Variants in RCAN1 observed in about 807,000 individuals in gnomAD.
RCAN1 encodes the protein regulator of calcineurin 1, also known as calcipressin-1.
A neutral mutation model predicts 22.9 loss-of-function variants in RCAN1; 11 were observed. That is an observed-to-expected ratio of 0.48 (90% CI 0.30 to 0.79). The LOEUF is 0.79. Among genes scored for constraint, RCAN1 ranks in the 30% least tolerant of loss-of-function variants. The probability of loss-of-function intolerance (pLI) is 0.06; values close to 1 mark genes in which losing one functional copy is unlikely to be tolerated. For synonymous variants in RCAN1, 136 were observed against 142.3 expected (o/e 0.96, Z 0.32); for missense variants, 291 against 337.8 (o/e 0.86, Z 1.09).
chr21:34,571,296 A>AAAAT (rs1466701533), intron 1 of RCAN1, among the ~76,000 whole-genome samples: 6 of 152,234 alleles, frequency 3.9e-5, no homozygotes, highest in African/African-American at 1.2e-4. Flanking sequence ...TCCATCTCCA[A>AAAAT]AAATAAATAA....
intron 3 of RCAN1, among the ~76,000 whole-genome samples, chr21:34,519,976 A>G (rs1984380858): frequency 6.6e-6 from 1 of 152,226 alleles, no homozygotes; most frequent in South Asian, 2.1e-4. Context: ...TGGATTGCTG[A>G]AAATGCTGGT....
chr21:34,604,217 GC>G (rs1988452897), intron 1 of RCAN1, among the ~76,000 whole-genome samples: 1 of 152,038 alleles, frequency 6.6e-6, no homozygotes, highest in Admixed American at 6.6e-5. Context: ...TGCAACCTCC[GC>G]CTCCCGGGTT....
chr21:34,556,431 AT>A (rs1258439833), intron 1 of RCAN1, among the ~76,000 whole-genome samples: 42 of 61,046 alleles, frequency 6.9e-4, no homozygotes, highest in Non-Finnish European at 1.0e-4. Context: ...GTCTCAAAAA[AT>A]AATAATAATA....
intron 3 of RCAN1, among the ~76,000 whole-genome samples, chr21:34,519,526 G>A (rs1984332652): frequency 6.6e-6 from 1 of 150,646 alleles, no homozygotes; most frequent in South Asian, 2.1e-4. Flanking sequence ...AGCCTCCCAA[G>A]TAGCTGGGAC....
intron 1 of RCAN1, among the ~76,000 whole-genome samples, chr21:34,580,794 C>T (rs575184577): frequency 3.9e-5 from 6 of 152,312 alleles, no homozygotes; most frequent in East Asian, 1.9e-4. Flanking sequence ...GGTGCTTGCA[C>T]GAAGAAGGGA....
intron 1 of RCAN1, among the ~76,000 whole-genome samples, chr21:34,541,025 A>G (rs1985891199): frequency 6.6e-6 from 1 of 152,140 alleles, no homozygotes; most frequent in African/African-American, 2.4e-5. Context: ...ATCAAGAAAT[A>G]CTAAGCCATG....
At chr21:34,565,517 C>T (rs533211324) in intron 1 of RCAN1, among the ~76,000 whole-genome samples, 37 of 152,230 alleles carry the variant, frequency 2.4e-4, no homozygotes, top group African/African-American at 3.9e-4. Context: ...AAGGTGAGGG[C>T]GCTGCAGCTG....
intron 1 of RCAN1, among the ~76,000 whole-genome samples, chr21:34,576,893 G>C (rs1472691237): frequency 6.6e-6 from 1 of 152,194 alleles, no homozygotes; most frequent in Non-Finnish European, 1.5e-5. Context: ...AACATGTATT[G>C]ATCACATATA....
chr21:34,534,758 C>T (rs9976800), intron 1 of RCAN1, among the ~76,000 whole-genome samples: 33,074 of 152,186 alleles, frequency 0.22, 3,727 homozygotes, highest in South Asian at 0.33. Flanking sequence ...TCTCACAGGC[C>T]TCAGGGGAAG....
chr21:34,541,488 C>A (rs1985909819), intron 1 of RCAN1, among the ~76,000 whole-genome samples: 1 of 152,104 alleles, frequency 6.6e-6, no homozygotes, highest in Admixed American at 6.5e-5. Flanking sequence ...TAAGCAGGTG[C>A]TTTTATTAAA....
chr21:34,564,793 A>G (rs779968955), intron 1 of RCAN1, among the ~76,000 whole-genome samples: 3 of 152,140 alleles, frequency 2.0e-5, no homozygotes, highest in Non-Finnish European at 4.4e-5. Context: ...AGTGCTACCC[A>G]ATATGTGATC....
chr21:34,580,116 A>G (rs1234913660), intron 1 of RCAN1, among the ~76,000 whole-genome samples: 2 of 152,218 alleles, frequency 1.3e-5, no homozygotes, highest in Non-Finnish European at 2.9e-5. Flanking sequence ...AATAAAAAAG[A>G]GCCCAACCAA....
chr21:34,549,407 A>C (rs962689679), intron 1 of RCAN1, among the ~76,000 whole-genome samples: 1 of 152,204 alleles, frequency 6.6e-6, no homozygotes, highest in Non-Finnish European at 1.5e-5. Context: ...AAGGTGGTTC[A>C]GGTGATGTTC....
intron 1 of RCAN1, among the ~76,000 whole-genome samples, chr21:34,610,864 T>C (rs1601228255): frequency 6.6e-6 from 1 of 152,370 alleles, no homozygotes; most frequent in East Asian, 1.9e-4. Flanking sequence ...AAGAAAGTCA[T>C]GATAGCACTA....
intron 2 of RCAN1, chr21:34,522,218 A>G (rs1021395893): frequency 1.3e-5 from 2 of 150,624 alleles, no homozygotes; most frequent in Non-Finnish European, 2.9e-5. Flanking sequence ...TTCCCAGGAG[A>G]CTTTAAGAAA....
chr21:34,570,836 T>A (rs1247296074), intron 1 of RCAN1, among the ~76,000 whole-genome samples: 1 of 152,224 alleles, frequency 6.6e-6, no homozygotes, highest in Admixed American at 6.5e-5. Flanking sequence ...ATCCTTTTTT[T>A]ATAGAAATTT....
At chr21:34,598,466 C>T (rs558445998) in intron 1 of RCAN1, among the ~76,000 whole-genome samples, 1 of 152,292 alleles carries the variant, frequency 6.6e-6, no homozygotes, top group East Asian at 1.9e-4. Flanking sequence ...GCTTAGCAAA[C>T]AACATTGGAA....
intron 1 of RCAN1, among the ~76,000 whole-genome samples, chr21:34,541,582 A>G (rs910474169): frequency 6.6e-6 from 1 of 152,256 alleles, no homozygotes; most frequent in Non-Finnish European, 1.5e-5. Context: ...AATATCTATT[A>G]ACGGATGTCC....
chr21:34,557,788 T>C (rs1345072357), intron 1 of RCAN1, among the ~76,000 whole-genome samples: 1 of 152,192 alleles, frequency 6.6e-6, no homozygotes, highest in Non-Finnish European at 1.5e-5. Flanking sequence ...ATGAAGATGA[T>C]GAGAAATAGC....
Sources: gnomAD v4.1 joint callset for allele counts (sites outside exome capture counted in the v4.1 genomes callset) on GRCh38, gnomAD v4.1.1 for gene constraint, MANE v1.5 for transcripts, NCBI Gene and HGNC (gene_info 2026-07-23, HGNC 2026-07-21) for gene names.